The following KDM7A variants were observed in gnomAD, a reference collection of about 807,000 sequenced individuals.
KDM7A encodes the protein lysine demethylase 7A.
KDM7A carries 28 observed loss-of-function variants against 114.8 expected under a neutral mutation model. The observed-to-expected ratio is 0.24, with a 90% CI of 0.18 to 0.33. KDM7A has a LOEUF of 0.33. Ranked by LOEUF, KDM7A falls within the 10% of genes least tolerant of loss-of-function variation. The pLI, the probability that KDM7A is intolerant of heterozygous loss-of-function variation, is 1.00. For missense variants in KDM7A, 942 were observed against 1,142.5 expected, an observed-to-expected ratio of 0.82 and a Z score of 2.53; for synonymous variants, 423 against 397.8, an observed-to-expected ratio of 1.06 and a Z score of -0.75.
chr7:140,119,274 G>T, intron 8 of KDM7A, 55 bp from the exon 9 acceptor site: 1 of 951,714 alleles, frequency 1.1e-6, no homozygotes. Context: ...AAAGTTAGAT[G>T]AAAGTAACCA....
At chr7:140,142,003 AT>A (rs1457747776) in intron 1 of KDM7A, among the ~76,000 whole-genome samples, 1 of 139,558 alleles carries the variant, frequency 7.2e-6, no homozygotes, top group East Asian at 1.9e-4. Flanking sequence ...TCCATAAATG[AT>A]ATTTATATAT....
chr7:140,153,128 C>G (rs551890206), intron 1 of KDM7A, among the ~76,000 whole-genome samples: 1 of 151,770 alleles, frequency 6.6e-6, no homozygotes, highest in Non-Finnish European at 1.5e-5. Flanking sequence ...AAAGTGCTGG[C>G]CATTTTGTAA....
intron 11 of KDM7A, among the ~76,000 whole-genome samples, chr7:140,108,493 C>T (rs983670135): frequency 1.3e-5 from 2 of 152,176 alleles, no homozygotes; most frequent in African/African-American, 4.8e-5. Context: ...TGTTTTCCTT[C>T]TAACAGTCAA....
intron 2 of KDM7A, among the ~76,000 whole-genome samples, chr7:140,134,293 G>A (rs1818834822): frequency 6.6e-6 from 1 of 152,178 alleles, no homozygotes; most frequent in South Asian, 2.1e-4. Flanking sequence ...GAAATCAGAA[G>A]ATTTGGATTT....
At position 140,176,317 on chromosome 7, in the gene KDM7A, G is replaced by A; in HGVS notation, c.194+427C>T. ...GTCGGCCGGCCGGGCAGAGCGGCGG[G>A]GCGGCCGGCGACTCCGGCCGGAGCC... On this transcript the variant is annotated intron_variant, in intron 1 of 19. Coordinates refer to ENST00000397560, the MANE Select transcript of KDM7A (RefSeq NM_030647.2). The surrounding 1 kb of genome is among the most constrained non-coding windows in gnomAD (Gnocchi z 4.4). 6.9e-6 allele frequency among the ~76,000 whole-genome samples: 1 copy of A among 144,078 alleles called. No individual in the cohort carries two copies. Among genetic ancestry groups the A allele is most frequent in the Non-Finnish European group, 1.5e-5 (1 of 65,606 alleles). The allele number at this position is 144,078 out of a possible 152,430, so 94.5% of individuals were successfully genotyped here.
chr7:140,093,048 G>C lies in KDM7A; in HGVS notation c.2458-971C>G, dbSNP rs144756312. On this transcript the variant is annotated intron_variant, in intron 18 of 19. Coordinates refer to ENST00000397560, the MANE Select transcript of KDM7A (RefSeq NM_030647.2). ...ATGCAAGTAATTGCTTAAATATTTA[G>C]AAAATATAGACAAGCCAAATTTAAA... Among the ~76,000 whole-genome samples, 37 of 151,942 alleles carry C rather than the reference G, an allele frequency of 2.4e-4. No individual in the cohort carries two copies. In the East Asian group the frequency reaches 7.0e-3, roughly 29 times the overall value.
At chr7:140,103,935 A>C (rs772706430) in intron 11 of KDM7A, among the ~76,000 whole-genome samples, 2 of 152,314 alleles carry the variant, frequency 1.3e-5, no homozygotes, top group African/African-American at 2.4e-5. Flanking sequence ...CAACAGTGTA[A>C]AAGTGTTCCT....
chr7:140,145,149 T>C (rs989571698), intron 1 of KDM7A, among the ~76,000 whole-genome samples: 4 of 152,236 alleles, frequency 2.6e-5, no homozygotes, highest in African/African-American at 9.6e-5. Context: ...TATGTATTTA[T>C]GTGATTTTTT....
At chr7:140,106,670 G>A (rs1818341957) in intron 11 of KDM7A, among the ~76,000 whole-genome samples, 1 of 152,150 alleles carries the variant, frequency 6.6e-6, no homozygotes, top group African/African-American at 2.4e-5. Flanking sequence ...TATAGTTTCT[G>A]TTCTTTTACA....
intron 10 of KDM7A, among the ~76,000 whole-genome samples, chr7:140,111,876 T>A (rs1326061322): frequency 6.7e-6 from 1 of 149,632 alleles, no homozygotes; most frequent in Non-Finnish European, 1.5e-5. Context: ...ACCCAGGAAG[T>A]GGAGGTTGCA....
intron 1 of KDM7A, among the ~76,000 whole-genome samples, chr7:140,150,337 CAT>C (rs1562958207): frequency 6.6e-6 from 1 of 152,194 alleles, no homozygotes; most frequent in Non-Finnish European, 1.5e-5. Context: ...AAATGCAAGA[CAT>C]AAGGAATTAA....
intron 1 of KDM7A, among the ~76,000 whole-genome samples, chr7:140,170,868 A>G (rs1374041495): frequency 6.6e-6 from 1 of 152,240 alleles, no homozygotes; most frequent in Non-Finnish European, 1.5e-5. Context: ...ACTCAATGAC[A>G]AAACACAAGA....
Position 140,145,002 on chromosome 7 carries a change from G to A in KDM7A, c.195-5812C>T, listed in dbSNP as rs145801486. 2.8e-3 allele frequency among the ~76,000 whole-genome samples: 425 copies of A among 152,214 alleles called. 4 individuals are homozygous for A. Among genetic ancestry groups the A allele is most frequent in the African/African-American group, 9.6e-3 (400 of 41,506 alleles). Reference sequence around the variant, plus strand: ...CACCAGGAGCAGATGCTGGCACCACGCTTCCTGTACAGCCATAGAACCATG... The same window carrying A: ...CACCAGGAGCAGATGCTGGCACCACACTTCCTGTACAGCCATAGAACCATG... On this transcript the variant is annotated intron_variant, in intron 1 of 19. Transcript: ENST00000397560.
intron 17 of KDM7A, chr7:140,095,534 C>T (rs1337286865): frequency 5.4e-6 from 1 of 186,074 alleles, no homozygotes; most frequent in African/African-American, 2.4e-5. Flanking sequence ...AGTCTTATTT[C>T]CTTTACCTGT....
chr7:140,160,510 G>C (rs910513593), intron 1 of KDM7A, among the ~76,000 whole-genome samples: 1 of 152,220 alleles, frequency 6.6e-6, no homozygotes, highest in Non-Finnish European at 1.5e-5. Flanking sequence ...AGGACAGACA[G>C]TCTCCGATTT....
rs1210830086 is a variant in KDM7A, at chr7:140,176,911, G to GGCC, written c.24_26dup (p.Ala10dup). 18 of 1,169,868 alleles carry GGCC rather than the reference G, an allele frequency of 1.5e-5. No individual in the cohort carries two copies. Among genetic ancestry groups the GGCC allele is most frequent in the Non-Finnish European group, 1.8e-5 (17 of 941,954 alleles). 72.5% of individuals were successfully genotyped at this position (1,169,868 alleles called of 1,614,324 possible). ...CGGCGGCTCCAGCTGCTGCTCCCGC[G>GGCC]GCCACCGCCGCCGCCGCTCCGGCCA... On this transcript the variant is annotated inframe_insertion, in exon 1 of 20. Coordinates refer to ENST00000397560, the MANE Select transcript of KDM7A (RefSeq NM_030647.2). The surrounding 1 kb of genome is among the most constrained non-coding windows in gnomAD (Gnocchi z 4.4).
At chr7:140,149,061 C>G (rs1354588458) in intron 1 of KDM7A, among the ~76,000 whole-genome samples, 1 of 152,074 alleles carries the variant, frequency 6.6e-6, no homozygotes, top group Non-Finnish European at 1.5e-5. Flanking sequence ...CCCAGGGCTT[C>G]CAGAGTTATT....
In KDM7A at chr7:140,096,895, C is replaced by T. The variant is rs758076845; in HGVS notation, c.2165+4G>A. 1.2e-6 allele frequency: 2 copies of T among 1,613,488 alleles called. No homozygotes were observed. Among genetic ancestry groups the T allele is most frequent in the South Asian group, 2.2e-5 (2 of 91,012 alleles). On this transcript the variant is annotated splice_donor_region_variant and intron_variant, in intron 16 of 19. Coordinates refer to ENST00000397560, the MANE Select transcript of KDM7A (RefSeq NM_030647.2). The stretch of plus-strand genomic sequence containing the variant: ...ATAAGACTTACTACTATCAGCAAGC[C>T]TACCTTTTAATTGGAATTTCACTTC...
chr7:140,116,261 T>C (rs1818527471), intron 9 of KDM7A, among the ~76,000 whole-genome samples: 3 of 152,140 alleles, frequency 2.0e-5, no homozygotes, highest in Admixed American at 2.0e-4. Context: ...AATCAGTGTG[T>C]GTGTGTGTGT....
Sources: allele counts gnomAD v4.1 joint callset (sites outside exome capture counted in the v4.1 genomes callset), GRCh38; gene constraint gnomAD v4.1.1; non-coding constraint Gnocchi (gnomAD v3.1); transcripts MANE v1.5; gene names NCBI Gene and HGNC (gene_info 2026-07-23, HGNC 2026-07-21).